The following MORC1 variants were observed in gnomAD, a reference collection of about 807,000 sequenced individuals.
MORC1 encodes the protein MORC family CW-type zinc finger protein 1.
MORC1 carries 59 observed loss-of-function variants against 134.9 expected under a neutral mutation model. That is an observed-to-expected ratio of 0.44 (90% CI 0.35 to 0.54). The LOEUF is 0.54. Ranked by LOEUF, MORC1 falls within the 20% of genes least tolerant of loss-of-function variation. The pLI, the probability that MORC1 is intolerant of heterozygous loss-of-function variation, is 0.00. For missense variants in MORC1, 947 were observed against 1,134.5 expected, an observed-to-expected ratio of 0.83 and a Z score of 2.37; for synonymous variants, 395 against 391.7, an observed-to-expected ratio of 1.01 and a Z score of -0.10.
chr3:108,980,151 T>A (rs1194675751), intron 23 of MORC1, among the ~76,000 whole-genome samples: 1 of 152,142 alleles, frequency 6.6e-6, no homozygotes, highest in African/African-American at 2.4e-5. Flanking sequence ...TTTCTCCATT[T>A]CCCCATTCCC....
At chr3:109,114,235 TCCTAGAACACC>T in intron 2 of MORC1, 138 bp downstream of exon 2, 1 of 614,736 alleles carries the variant, frequency 1.6e-6, no homozygotes, top group Non-Finnish European at 2.7e-6. Context: ...CTATCCTTTT[TCCTAGAACACC>T]TTGATTTTAT....
chr3:109,079,966 ATTATGTGTCAGG>A (rs1950493262), intron 8 of MORC1, among the ~76,000 whole-genome samples: 1 of 152,206 alleles, frequency 6.6e-6, no homozygotes, highest in African/African-American at 2.4e-5. Flanking sequence ...CTGAGTACAT[ATTATGTGTCAGG>A]TAGTGTCCTA....
At chr3:109,066,980 A>G (rs1425257900) in intron 9 of MORC1, among the ~76,000 whole-genome samples, 1 of 152,256 alleles carries the variant, frequency 6.6e-6, no homozygotes, top group African/African-American at 2.4e-5. Flanking sequence ...CATGGTGTAC[A>G]AAAGAATCAC....
At chr3:109,032,390 T>A (rs1327609883) in intron 16 of MORC1, among the ~76,000 whole-genome samples, 1 of 152,172 alleles carries the variant, frequency 6.6e-6, no homozygotes, top group African/African-American at 2.4e-5. Flanking sequence ...ACTCTCTGAG[T>A]AACACTCCTG....
intron 21 of MORC1, among the ~76,000 whole-genome samples, chr3:108,999,089 G>A (rs1948321314): frequency 6.6e-6 from 1 of 152,210 alleles, no homozygotes; most frequent in Admixed American, 6.5e-5. Flanking sequence ...GAGGTCAAGA[G>A]AGGCGGCATT....
At chr3:109,108,193 A>T (rs1951080252) in intron 3 of MORC1, among the ~76,000 whole-genome samples, 1 of 152,178 alleles carries the variant, frequency 6.6e-6, no homozygotes, top group African/African-American at 2.4e-5. Context: ...CATCTCGAAA[A>T]AAAAGGAGAA....
intron 21 of MORC1, among the ~76,000 whole-genome samples, chr3:108,987,474 G>C (rs1947926219): frequency 6.6e-6 from 1 of 152,102 alleles, no homozygotes; most frequent in Non-Finnish European, 1.5e-5. Flanking sequence ...TGGAATACTG[G>C]GGGATGGGAT....
At chr3:109,091,487 T>G (rs1383413352) in intron 8 of MORC1, among the ~76,000 whole-genome samples, 1 of 120,644 alleles carries the variant, frequency 8.3e-6, no homozygotes, top group Non-Finnish European at 1.8e-5. Context: ...ATAAAAAGTA[T>G]GTTCTAAGTT....
At chr3:109,040,395 A>AGAAGGAAGGAAGG (rs1417010352) in intron 14 of MORC1, among the ~76,000 whole-genome samples, 1 of 51,150 alleles carries the variant, frequency 2.0e-5, no homozygotes, top group African/African-American at 5.5e-5. Context: ...AGAAAGAAAG[A>AGAAGGAAGGAAGG]AAGAAAGAGA....
chr3:109,040,488 GGAAAGA>G (rs764534254), intron 14 of MORC1, among the ~76,000 whole-genome samples: 3 of 92,504 alleles, frequency 3.2e-5, no homozygotes, highest in East Asian at 4.7e-4. Flanking sequence ...AAGAAAGAAA[GGAAAGA>G]AAAGAAAGGA....
chr3:108,970,703 T>A (rs1947353547), intron 25 of MORC1, among the ~76,000 whole-genome samples: 1 of 152,186 alleles, frequency 6.6e-6, no homozygotes, highest in African/African-American at 2.4e-5. Context: ...AGGCAGCTCT[T>A]CCCTCCACTT....
At position 109,028,620 on chromosome 3, in the gene MORC1, T is replaced by C. The variant is rs530860185; in HGVS notation, c.1566-731A>G. ...ATTCCTTGTTAAAATTACAAAAAAA[T>C]ACTAATAACCCTCAAAGCATATGGT... On this transcript the variant is annotated intron_variant, in intron 16 of 27. Coordinates refer to ENST00000232603, the MANE Select transcript of MORC1 (RefSeq NM_014429.4). 2.0e-5 allele frequency among the ~76,000 whole-genome samples: 3 copies of C among 152,284 alleles called. No homozygotes were observed. In the East Asian group the frequency reaches 5.8e-4, roughly 29 times the overall value.
intron 21 of MORC1, among the ~76,000 whole-genome samples, chr3:108,998,403 C>T (rs2107514112): frequency 6.6e-6 from 1 of 152,254 alleles, no homozygotes; most frequent in South Asian, 2.1e-4. Flanking sequence ...GACCCTAGGT[C>T]CCACAACCAG....
At chr3:109,041,204 A>G (rs544356965) in intron 14 of MORC1, among the ~76,000 whole-genome samples, 2 of 151,612 alleles carry the variant, frequency 1.3e-5, no homozygotes, top group Non-Finnish European at 2.9e-5. Context: ...CCAGCTACTC[A>G]GGAGGCTGAA....
intron 17 of MORC1, among the ~76,000 whole-genome samples, chr3:109,021,105 A>C (rs1284629100): frequency 1.3e-5 from 2 of 152,144 alleles, no homozygotes; most frequent in African/African-American, 4.8e-5. Flanking sequence ...GGGAGCAGCG[A>C]GCAGCCTGCT....
intron 15 of MORC1, among the ~76,000 whole-genome samples, chr3:109,033,547 C>T (rs1287235476): frequency 6.6e-6 from 1 of 152,110 alleles, no homozygotes; most frequent in Non-Finnish European, 1.5e-5. Context: ...GCTAACGGCT[C>T]GTAGGTTAAC....
chr3:108,997,580 A>G (rs995987731), intron 21 of MORC1, among the ~76,000 whole-genome samples: 3 of 152,166 alleles, frequency 2.0e-5, no homozygotes, highest in Non-Finnish European at 4.4e-5. Flanking sequence ...AATAAAAACA[A>G]TAAGAGCATT....
Position 109,117,992 on chromosome 3 carries a change from C to T in MORC1, c.65+3G>A. ...CCGACCCCGACCCCACCTCGGCACTCACGAGTTGGCGTGGATGAAATCCAG... is the reference window on the plus strand; with the variant it reads ...CCGACCCCGACCCCACCTCGGCACTTACGAGTTGGCGTGGATGAAATCCAG... On this transcript the variant is annotated splice_donor_region_variant and intron_variant, in intron 1 of 27. Coordinates refer to ENST00000232603, the MANE Select transcript of MORC1 (RefSeq NM_014429.4). 2 of 1,597,886 alleles carry T rather than the reference C, an allele frequency of 1.3e-6. No individual in the cohort carries two copies. Among genetic ancestry groups the T allele is most frequent in the Non-Finnish European group, 1.7e-6 (2 of 1,172,426 alleles).
intron 17 of MORC1, 38 bp from the exon 18 acceptor site, chr3:109,007,129 A>G: frequency 6.5e-7 from 1 of 1,536,728 alleles, no homozygotes; most frequent in Non-Finnish European, 8.9e-7. Context: ...AAATGTAAGT[A>G]AAAATAAGCT....
Sources: allele counts gnomAD v4.1 joint callset (sites outside exome capture counted in the v4.1 genomes callset), GRCh38; gene constraint gnomAD v4.1.1; transcripts MANE v1.5; gene names NCBI Gene and HGNC (gene_info 2026-07-23, HGNC 2026-07-21).